KCNIP4: variants seen among roughly 807,000 people sequenced by gnomAD.
The protein encoded by KCNIP4 is potassium voltage-gated channel interacting protein 4.
Under a neutral mutation model 34.0 loss-of-function variants are expected in KCNIP4, and 12 were observed. The ratio of observed to expected loss-of-function variants is 0.35; its 90% CI spans 0.23 to 0.57. The LOEUF (loss-of-function observed/expected upper bound fraction) is 0.57, where lower values mean the gene tolerates loss of function less well. KCNIP4 is among the 20% of genes least tolerant of loss of function. KCNIP4 has a pLI of 0.83. For synonymous variants in KCNIP4, 124 were observed against 102.2 expected, an observed-to-expected ratio of 1.21 and a Z score of -1.29; for missense variants, 238 against 311.7, an observed-to-expected ratio of 0.76 and a Z score of 1.78.
chr4:21,007,532 C>T (rs1334494853), intron 1 of KCNIP4, among the ~76,000 whole-genome samples: 1 of 152,166 alleles, frequency 6.6e-6, no homozygotes, highest in Non-Finnish European at 1.5e-5. Context: ...ATTAAACCAT[C>T]TTCTCTACTC....
intron 1 of KCNIP4, among the ~76,000 whole-genome samples, chr4:20,949,684 A>T (rs1732566732): frequency 1.3e-5 from 2 of 152,138 alleles, no homozygotes; most frequent in African/African-American, 4.8e-5. Context: ...AGCCATAAAA[A>T]ATGATGAGTT....
At chr4:21,851,752 A>G (rs1409419158) in intron 1 of KCNIP4, 1 of 152,106 alleles carries the variant, frequency 6.6e-6, no homozygotes, top group East Asian at 1.9e-4. Context: ...ACGTACACTA[A>G]TAATAAAAAA....
At chr4:21,187,251 T>TTTA (rs1755302108) in intron 1 of KCNIP4, among the ~76,000 whole-genome samples, 1 of 152,200 alleles carries the variant, frequency 6.6e-6, no homozygotes, top group South Asian at 2.1e-4. Flanking sequence ...TGCTATTTTA[T>TTTA]ATGTATACTT....
intron 1 of KCNIP4, among the ~76,000 whole-genome samples, chr4:20,886,682 A>G (rs1400971588): frequency 6.6e-6 from 1 of 152,180 alleles, no homozygotes; most frequent in Non-Finnish European, 1.5e-5. Context: ...CCACTTTGGG[A>G]GTAAGGATAA....
chr4:20,957,903 C>T (rs1162511446), intron 1 of KCNIP4, among the ~76,000 whole-genome samples: 3 of 152,120 alleles, frequency 2.0e-5, no homozygotes, highest in African/African-American at 7.2e-5. Flanking sequence ...GCTTTCTGGC[C>T]TCACATCCCT....
At chr4:21,676,895 G>T (rs78293513) in intron 1 of KCNIP4, among the ~76,000 whole-genome samples, 4 of 151,476 alleles carry the variant, frequency 2.6e-5, no homozygotes, top group Admixed American at 6.6e-5. Context: ...ATGAAATAAA[G>T]GTTTTTTAAA....
At chr4:21,457,194 A>C (rs1729025406) in intron 1 of KCNIP4, among the ~76,000 whole-genome samples, 2 of 152,048 alleles carry the variant, frequency 1.3e-5, no homozygotes, top group East Asian at 1.9e-4. Flanking sequence ...CAAATAAATC[A>C]GGTCTCAGCT....
intron 5 of KCNIP4, among the ~76,000 whole-genome samples, chr4:20,741,377 G>A (rs919228261): frequency 6.6e-6 from 1 of 152,206 alleles, no homozygotes; most frequent in Non-Finnish European, 1.5e-5. Flanking sequence ...CTGTCTCTCA[G>A]ACTACAATGC....
chr4:20,865,634 C>G (rs1722802885), intron 2 of KCNIP4, among the ~76,000 whole-genome samples: 1 of 151,820 alleles, frequency 6.6e-6, no homozygotes, highest in Non-Finnish European at 1.5e-5. Flanking sequence ...TGCATGATGT[C>G]ATTTACATAA....
At chr4:21,743,397 T>C (rs535649503) in intron 1 of KCNIP4, among the ~76,000 whole-genome samples, 1 of 99,266 alleles carries the variant, frequency 1.0e-5, no homozygotes, top group African/African-American at 4.6e-5. Context: ...ACATTGACAC[T>C]TTTGTCTCTT....
chr4:21,579,105 A>T (rs1387042549), intron 1 of KCNIP4, among the ~76,000 whole-genome samples: 1 of 152,186 alleles, frequency 6.6e-6, no homozygotes, highest in East Asian at 1.9e-4. Context: ...CATATAAAGC[A>T]TCTTTTATGC....
At chr4:21,090,077 G>C (rs922605405) in intron 1 of KCNIP4, among the ~76,000 whole-genome samples, 1 of 152,150 alleles carries the variant, frequency 6.6e-6, no homozygotes, top group Non-Finnish European at 1.5e-5. Flanking sequence ...ACGATGTTCT[G>C]TGATTCTGTC....
intron 2 of KCNIP4, among the ~76,000 whole-genome samples, chr4:20,874,931 A>G (rs1316948805): frequency 5.3e-5 from 8 of 152,120 alleles, no homozygotes; most frequent in Admixed American, 3.3e-4. Flanking sequence ...CCTTTCATGG[A>G]CAGTGAAGTA....
chr4:21,395,767 C>T (rs1262611197), intron 1 of KCNIP4, among the ~76,000 whole-genome samples: 2 of 152,124 alleles, frequency 1.3e-5, no homozygotes, highest in Non-Finnish European at 2.9e-5. Flanking sequence ...TTATCAGCTT[C>T]ATCAAAGGGC....
chr4:21,342,860 C>A (rs1350655506), intron 1 of KCNIP4, among the ~76,000 whole-genome samples: 1 of 152,008 alleles, frequency 6.6e-6, no homozygotes, highest in Admixed American at 6.6e-5. Context: ...CAAAACACAT[C>A]ATTCTCTGTC....
At chr4:21,879,021 T>C (rs1434398876) in intron 1 of KCNIP4, among the ~76,000 whole-genome samples, 1 of 152,232 alleles carries the variant, frequency 6.6e-6, no homozygotes, top group Non-Finnish European at 1.5e-5. Context: ...AATATTGTTT[T>C]GTATCCTTAG....
intron 1 of KCNIP4, among the ~76,000 whole-genome samples, chr4:21,795,509 G>A (rs532235593): frequency 1.6e-4 from 25 of 152,202 alleles, no homozygotes; most frequent in Non-Finnish European, 2.6e-4. Flanking sequence ...TTTCAGACAC[G>A]GAAAAATTTT....
chr4:21,185,632 T>C (rs908375702), intron 1 of KCNIP4, among the ~76,000 whole-genome samples: 1 of 152,184 alleles, frequency 6.6e-6, no homozygotes, highest in African/African-American at 2.4e-5. Flanking sequence ...GTTCTTTAAA[T>C]GTGAAAGCAT....
intron 1 of KCNIP4, among the ~76,000 whole-genome samples, chr4:21,255,879 T>C (rs1353843744): frequency 6.6e-6 from 1 of 152,162 alleles, no homozygotes; most frequent in Non-Finnish European, 1.5e-5. Flanking sequence ...CATTCATTTA[T>C]TAATTCAATT....
Sources: gnomAD v4.1 joint callset for allele counts (sites outside exome capture counted in the v4.1 genomes callset) on GRCh38, gnomAD v4.1.1 for gene constraint, MANE v1.5 for transcripts, NCBI Gene and HGNC (gene_info 2026-07-23, HGNC 2026-07-21) for gene names.